PDE8B: variants seen among roughly 807,000 people sequenced by gnomAD.
PDE8B encodes the protein phosphodiesterase 8B.
Under a neutral mutation model 101.3 loss-of-function variants are expected in PDE8B, and 26 were observed. The ratio of observed to expected loss-of-function variants is 0.26; its 90% CI spans 0.19 to 0.36. PDE8B has a LOEUF of 0.36. Ranked by LOEUF, PDE8B falls within the 10% of genes least tolerant of loss-of-function variation. The pLI is 1.00. For missense variants in PDE8B, 810 were observed against 1,163.1 expected (o/e 0.70, Z 4.42); for synonymous variants, 424 against 429.3 (o/e 0.99, Z 0.15).
intron 10 of PDE8B, among the ~76,000 whole-genome samples, chr5:77,361,374 T>C (rs1783062236): frequency 1.3e-5 from 2 of 152,206 alleles, no homozygotes; most frequent in African/African-American, 4.8e-5. Flanking sequence ...TATAGTAGTT[T>C]CATTGTGAAT....
At chr5:77,168,508 C>T in the PDE8B span, among the ~76,000 whole-genome samples, 1 of 152,252 alleles carries the variant, frequency 6.6e-6, no homozygotes. Context: ...CCCCACTCCT[C>T]CTGCCCCTCT....
chr5:77,259,023 C>G (rs1482381302), intron 1 of PDE8B, among the ~76,000 whole-genome samples: 2 of 150,954 alleles, frequency 1.3e-5, no homozygotes, highest in African/African-American at 4.9e-5. Context: ...TTTCTGTTCC[C>G]TGCCTCCAAC....
intron 2 of PDE8B, among the ~76,000 whole-genome samples, chr5:77,318,598 C>T (rs954716339): frequency 2.6e-5 from 4 of 152,142 alleles, no homozygotes; most frequent in Admixed American, 6.5e-5. Context: ...GTTTCTAGTG[C>T]ATTCAGTATA....
chr5:77,293,174 T>G (rs752394708), intron 1 of PDE8B, among the ~76,000 whole-genome samples: 7 of 152,232 alleles, frequency 4.6e-5, no homozygotes, highest in Non-Finnish European at 7.3e-5. Flanking sequence ...TATATATGTA[T>G]AGATATGTGT....
intron 1 of PDE8B, among the ~76,000 whole-genome samples, chr5:77,247,601 G>A (rs7707719): frequency 0.33 from 50,027 of 151,878 alleles, 8,302 homozygotes; most frequent in Admixed American, 0.38. Flanking sequence ...GCCTCGGGCT[G>A]GGGCTCTGCA....
intron 1 of PDE8B, among the ~76,000 whole-genome samples, chr5:77,243,027 C>T (rs1048679283): frequency 1.3e-5 from 2 of 152,080 alleles, no homozygotes; most frequent in Admixed American, 1.3e-4. Flanking sequence ...AAGTATAATA[C>T]CAATCAATTA....
At chr5:77,097,718 T>TATATATATATATATATATAG in the PDE8B span, among the ~76,000 whole-genome samples, 1 of 37,536 alleles carries the variant, frequency 2.7e-5, no homozygotes, top group Non-Finnish European at 7.6e-5. Context: ...TATATATATA[T>TATATATATATATATATATAG]ATATATATAT....
At chr5:77,315,366 C>G (rs142891552) in intron 2 of PDE8B, among the ~76,000 whole-genome samples, 1 of 152,144 alleles carries the variant, frequency 6.6e-6, no homozygotes, top group Non-Finnish European at 1.5e-5. Flanking sequence ...CCCCCCACCC[C>G]ACCATATTAA....
intron 18 of PDE8B, 54 bp downstream of exon 18, chr5:77,418,500 C>G (rs1796009457): frequency 8.0e-7 from 1 of 1,251,634 alleles, no homozygotes; most frequent in Middle Eastern, 1.8e-4. Context: ...AGTGGTTTTC[C>G]CAAATACTTA....
At chr5:77,407,314 C>G in intron 12 of PDE8B, 67 bp from the exon 13 acceptor site, 1 of 1,190,780 alleles carries the variant, frequency 8.4e-7, no homozygotes, top group South Asian at 1.2e-5. Context: ...CATGAAGGGA[C>G]TCCTTTGCTG....
chr5:77,254,020 CTAAAAAGTAATGCATT>C (rs1758606179), intron 1 of PDE8B, among the ~76,000 whole-genome samples: 1 of 151,916 alleles, frequency 6.6e-6, no homozygotes, highest in African/African-American at 2.4e-5. Flanking sequence ...TAAAAGATTA[CTAAAAAGTAATGCATT>C]GGGACTTTGT....
At chr5:77,153,838 G>A in the PDE8B span, among the ~76,000 whole-genome samples, 2 of 152,122 alleles carry the variant, frequency 1.3e-5, no homozygotes, top group African/African-American at 4.8e-5. Context: ...GCCTCCCAAA[G>A]TGTTGGGATT....
In PDE8B at chr5:77,420,482, G is replaced by A. The variant is rs182641327; in HGVS notation, c.2250+595G>A. 1.0e-3 allele frequency among the ~76,000 whole-genome samples: 152 copies of A among 152,082 alleles called. 1 individual carries two copies. The highest frequency in any genetic ancestry group is 4.0e-3 in the Admixed American group (61 of 15,258). ...AAGATCCACTGTTCTCTGAAGCCATGAAGCTGTTCATAACCCCATAAAGGT... is the reference window on the plus strand; with the variant it reads ...AAGATCCACTGTTCTCTGAAGCCATAAAGCTGTTCATAACCCCATAAAGGT... On this transcript the variant is annotated intron_variant, in intron 19 of 21. Transcript: ENST00000264917.
rs1561690045 is a variant in PDE8B, at chr5:77,419,750, T to A, written c.2130-17T>A. The A allele has an allele frequency of 6.2e-7, 1 of 1,613,568 alleles. No homozygotes were observed. Among genetic ancestry groups the A allele is most frequent in the Non-Finnish European group, 8.5e-7 (1 of 1,179,580 alleles). ...GACACGCTGTGAACAAGCCCCTTTG[T>A]CTTGTGGTTATTTTAGGAACCATTA... On this transcript the variant is annotated splice_polypyrimidine_tract_variant and intron_variant, in intron 18 of 21. Coordinates refer to ENST00000264917, the MANE Select transcript of PDE8B (RefSeq NM_003719.5).
chr5:77,208,995 T>A (rs1227945654), upstream of PDE8B, among the ~76,000 whole-genome samples: 1 of 152,044 alleles, frequency 6.6e-6, no homozygotes, highest in Non-Finnish European at 1.5e-5. Context: ...TCCCTTTATT[T>A]CCTCCCACAA....
At chr5:77,191,237 GTT>G in the PDE8B span, among the ~76,000 whole-genome samples, 1 of 89,980 alleles carries the variant, frequency 1.1e-5, no homozygotes, top group African/African-American at 4.1e-5. Context: ...CATATTGACA[GTT>G]AGGACTTCAA....
chr5:77,185,142 T>C, the PDE8B span, among the ~76,000 whole-genome samples: 1 of 152,224 alleles, frequency 6.6e-6, no homozygotes, highest in African/African-American at 2.4e-5. Context: ...GACCTCAACC[T>C]GATGCGTGGA....
chr5:77,349,324 C>G, intron 7 of PDE8B, 95 bp from the exon 8 acceptor site: 1 of 1,524,714 alleles, frequency 6.6e-7, no homozygotes, highest in Non-Finnish European at 9.1e-7. Context: ...TGATATTCCT[C>G]TGGGTCCCAA....
At chr5:77,242,620 A>T (rs1755995284) in intron 1 of PDE8B, among the ~76,000 whole-genome samples, 1 of 152,234 alleles carries the variant, frequency 6.6e-6, no homozygotes. Flanking sequence ...TCCTTCTGTT[A>T]GAAGTTTTAT....
Sources: allele counts gnomAD v4.1 joint callset (sites outside exome capture counted in the v4.1 genomes callset), GRCh38; gene constraint gnomAD v4.1.1; transcripts MANE v1.5; gene names NCBI Gene and HGNC (gene_info 2026-07-23, HGNC 2026-07-21).